The following TRAF4 variants were observed in gnomAD, a reference collection of about 807,000 sequenced individuals.
TRAF4 encodes TNF receptor associated factor 4.
TRAF4 carries 9 observed loss-of-function variants against 47.3 expected under a neutral mutation model. That is an observed-to-expected ratio of 0.19 (90% CI 0.11 to 0.33). The LOEUF (loss-of-function observed/expected upper bound fraction) is 0.33, where lower values mean the gene tolerates loss of function less well. TRAF4 is among the 10% of genes least tolerant of loss of function. The pLI is 1.00. For missense variants in TRAF4, 448 were observed against 620.3 expected (o/e 0.72, Z 2.95); for synonymous variants, 236 against 236.9 (o/e 1.00, Z 0.04).
chr17:28,744,054 C>A lies in TRAF4; in HGVS notation c.-59C>A, dbSNP rs1174142766. The A allele has an allele frequency of 6.0e-6, 7 of 1,168,544 alleles. No homozygotes were observed. Among genetic ancestry groups the A allele is most frequent in the East Asian group, 1.0e-4 (2 of 19,360 alleles). The allele number at this position is 1,168,544 out of a possible 1,614,324, so 72.4% of individuals were successfully genotyped here. On this transcript the variant is annotated 5_prime_UTR_variant, in exon 1 of 7. Transcript: ENST00000262395. ...CCGGGAGCGCCGCTCCAGCGAGGCG[C>A]GGGCTGTGGGGCCGCCGCGTGCCTG...
chr17:28,747,426 A>G (rs1449438621), intron 2 of TRAF4, 162 bp downstream of exon 2: 1 of 829,258 alleles, frequency 1.2e-6, no homozygotes, highest in Non-Finnish European at 1.8e-6. Context: ...CAGTTTGCAA[A>G]CGAGGCCCCT....
At chr17:28,748,811 C>G in intron 6 of TRAF4, 134 bp from the exon 7 acceptor site, 1 of 1,480,362 alleles carries the variant, frequency 6.8e-7, no homozygotes, top group Non-Finnish European at 8.9e-7. Context: ...GCTCCAGCCT[C>G]TTCCTAACAC....
chr17:28,749,758 C>A lies in TRAF4; in HGVS notation c.*181C>A. 1 of 1,031,290 alleles carries A rather than the reference C, an allele frequency of 9.7e-7. No individual in the cohort carries two copies. The highest frequency in any genetic ancestry group is 2.1e-4 in the Middle Eastern group (1 of 4,876). 63.9% of individuals were successfully genotyped at this position (1,031,290 alleles called of 1,614,324 possible). ...CCAATTGGTGCTTCAGCCCTGGCCC[C>A]TGTGGGGAACAGGTCTTGGGGTCAT... On this transcript the variant is annotated 3_prime_UTR_variant, in exon 7 of 7. Coordinates refer to ENST00000262395, the MANE Select transcript of TRAF4 (RefSeq NM_004295.4).
rs753243882 is a variant in TRAF4, at chr17:28,744,067, C to T, written c.-46C>T. The T allele has an allele frequency of 8.3e-6, 11 of 1,328,192 alleles. No individual in the cohort carries two copies. Among genetic ancestry groups the T allele is most frequent in the South Asian group, 4.3e-5 (3 of 69,408 alleles). The allele number at this position is 1,328,192 out of a possible 1,614,324, so 82.3% of individuals were successfully genotyped here. On this transcript the variant is annotated 5_prime_UTR_variant, in exon 1 of 7. Transcript: ENST00000262395. ...TCCAGCGAGGCGCGGGCTGTGGGGC[C>T]GCCGCGTGCCTGGCCCCGCTCGCCC...
At position 28,744,193 on chromosome 17, in the gene TRAF4, G is replaced by A. The variant is rs756133088; in HGVS notation, c.81G>A (p.Glu27=). 15 of 1,597,034 alleles carry A rather than the reference G, an allele frequency of 9.4e-6. No homozygotes were observed. The African/African-American group carries it at 2.0e-4, about 21-fold the overall frequency. ...CACTGTGCGGGAAGCCCATGCGCGAGCCTGTGCAGGTTTCCACCTGCGGCC... is the reference window on the plus strand; with the variant it reads ...CACTGTGCGGGAAGCCCATGCGCGAACCTGTGCAGGTTTCCACCTGCGGCC... The part of the protein sequence containing the change: ...LCPLCGKPMR[E]PVQVSTCGHR... The change falls in exon 1 of 7, where the codon GAG becomes GAA. Residue 27 remains glutamate (E), a synonymous_variant. Transcript: ENST00000262395.
chr17:28,749,129 A>T lies in TRAF4; in HGVS notation c.965A>T (p.Gln322Leu). The stretch of plus-strand genomic sequence containing the variant: ...ATTGGCAGCTATGGACGGCGGCTAC[A>T]GGAGGCCAAGGCCAAGCCCAACCTT... ...WKIGSYGRRL[Q>L]EAKAKPNLEC... The change falls in exon 7 of 7, where the codon CAG becomes CTG. Residue 322 changes from glutamine (Q) to leucine (L), a missense_variant. By Grantham distance (113) the Gln-to-Leu change is moderately radical (BLOSUM62 -2). Transcript: ENST00000262395. The T allele has an allele frequency of 6.2e-7, 1 of 1,614,086 alleles. No individual in the cohort carries two copies. Among genetic ancestry groups the T allele is most frequent in the Non-Finnish European group, 8.5e-7 (1 of 1,180,048 alleles).
Position 28,744,221 on chromosome 17 carries a change from C to T in TRAF4, c.109C>T (p.Arg37Cys). The T allele has an allele frequency of 6.6e-7, 1 of 1,512,224 alleles. No individual in the cohort carries two copies. The highest frequency in any genetic ancestry group is 8.9e-7 in the Non-Finnish European group (1 of 1,125,880). 93.7% of individuals were successfully genotyped at this position (1,512,224 alleles called of 1,614,324 possible). A position where few individuals can be genotyped will look rare whatever the true frequency, so the allele number is the denominator to read the frequency against. The change falls in exon 1 of 7, where the codon CGT becomes TGT. Residue 37 changes from arginine to cysteine, a missense_variant. By Grantham distance (180) the Arg-to-Cys change is radical. Transcript: ENST00000262395. ...TGTGCAGGTTTCCACCTGCGGCCAC[C>T]GTTTCTGCGATACCTGCCTGCAGGA... ...EPVQVSTCGH[R>C]FCDTCLQEFL...
In TRAF4 at chr17:28,748,936, TG is replaced by T; in HGVS notation, c.781-8del. ...TCCCTTCCCCCATGGCCTGGGGCTT[TG>T]CCAACAGTGCCCTAAGCTGGCAATG... On this transcript the variant is annotated splice_region_variant and splice_polypyrimidine_tract_variant and intron_variant, in intron 6 of 6. Coordinates refer to ENST00000262395, the MANE Select transcript of TRAF4 (RefSeq NM_004295.4). 3 of 1,603,926 alleles carry T rather than the reference TG, an allele frequency of 1.9e-6. No homozygotes were observed. Among genetic ancestry groups the T allele is most frequent in the Non-Finnish European group, 2.6e-6 (3 of 1,175,106 alleles).
chr17:28,747,977 C>T (rs558956488), intron 3 of TRAF4, 30 bp downstream of exon 3: 2 of 1,614,160 alleles, frequency 1.2e-6, no homozygotes, highest in East Asian at 4.5e-5. Context: ...GCTGGCACCA[C>T]CTCTCCCTTG....
At position 28,750,071 on chromosome 17, in the gene TRAF4, T is replaced by A; in HGVS notation, c.*494T>A. The A allele has an allele frequency of 1.7e-6, 1 of 579,270 alleles. No homozygotes were observed. Among genetic ancestry groups the A allele is most frequent in the South Asian group, 2.1e-5 (1 of 47,144 alleles). The allele number at this position is 579,270 out of a possible 1,614,324, so 35.9% of individuals were successfully genotyped here. On this transcript the variant is annotated 3_prime_UTR_variant, in exon 7 of 7. Coordinates refer to ENST00000262395, the MANE Select transcript of TRAF4 (RefSeq NM_004295.4). ...CTGATTTTTAATAAATCCGGAATTG[T>A]ATTTATTAATTTGCTTCCAGCCTGA...
At position 28,749,524 on chromosome 17, in the gene TRAF4, G is replaced by A; in HGVS notation, c.1360G>A (p.Asp454Asn). The A allele has an allele frequency of 6.2e-7, 1 of 1,613,868 alleles. No homozygotes were observed. Among genetic ancestry groups the A allele is most frequent in the Non-Finnish European group, 8.5e-7 (1 of 1,180,038 alleles). ...TCGAAAGCGAAACTATGTGCGGGAT[G>A]ATGCAGTCTTCATCCGTGCTGCTGT... ...DIRKRNYVRD[D>N]AVFIRAAVEL... Residue 454 changes from aspartate (D) to asparagine (N), a missense_variant, in exon 7 of 7, where the codon GAT becomes AAT. Asp to Asn is a conservative substitution (Grantham distance 23). Coordinates refer to ENST00000262395, the MANE Select transcript of TRAF4 (RefSeq NM_004295.4).
intron 2 of TRAF4, 115 bp downstream of exon 2, chr17:28,747,379 C>T (rs773890317): frequency 9.3e-6 from 12 of 1,292,196 alleles, no homozygotes; most frequent in East Asian, 7.3e-5. Context: ...TGGGATGGTG[C>T]GCCTCCACAA....
chr17:28,744,170 C>T lies in TRAF4; in HGVS notation c.58C>T (p.Leu20=), dbSNP rs751308115. 6.3e-7 allele frequency: 1 copy of T among 1,596,312 alleles called. No individual in the cohort carries two copies. Among genetic ancestry groups the T allele is most frequent in the Non-Finnish European group, 8.5e-7 (1 of 1,178,158 alleles). Reference sequence around the variant, plus strand: ...GCCCAAGCGACGGCTGCTGTGCCCACTGTGCGGGAAGCCCATGCGCGAGCC... The same window carrying T: ...GCCCAAGCGACGGCTGCTGTGCCCATTGTGCGGGAAGCCCATGCGCGAGCC... ...EKPKRRLLCP[L]CGKPMREPVQ... is the part of the protein sequence containing the mutation. Residue 20 remains leucine, a synonymous_variant, in exon 1 of 7, where the codon CTG becomes TTG. Coordinates refer to ENST00000262395, the MANE Select transcript of TRAF4 (RefSeq NM_004295.4).
intron 2 of TRAF4, 79 bp from the exon 3 acceptor site, chr17:28,747,764 G>A: frequency 7.0e-7 from 1 of 1,420,300 alleles, no homozygotes. Flanking sequence ...GGTAGAGCCA[G>A]CCCAGTTGGG....
At position 28,744,171 on chromosome 17, in the gene TRAF4, T is replaced by G; in HGVS notation, c.59T>G (p.Leu20Arg). The change falls in exon 1 of 7, where the codon CTG (leucine) becomes CGG (arginine). Residue 20 changes from leucine (L) to arginine (R), a missense_variant. Physicochemically the swap from Leu to Arg is moderately radical, Grantham distance 102. Transcript: ENST00000262395. ...CCCAAGCGACGGCTGCTGTGCCCAC[T>G]GTGCGGGAAGCCCATGCGCGAGCCT... ...EKPKRRLLCP[L>R]CGKPMREPVQ... 1 of 1,596,124 alleles carries G rather than the reference T, an allele frequency of 6.3e-7. No homozygotes were observed. The highest frequency in any genetic ancestry group is 8.5e-7 in the Non-Finnish European group (1 of 1,178,044).
chr17:28,745,432 G>A (rs780489574), intron 1 of TRAF4: 53 of 152,616 alleles, frequency 3.5e-4, no homozygotes, highest in Non-Finnish European at 5.4e-4. Flanking sequence ...CGGCCCTCTG[G>A]GTTCCAGATG....
intron 1 of TRAF4, among the ~76,000 whole-genome samples, chr17:28,746,457 G>GC (rs1377443207): frequency 6.6e-6 from 1 of 152,232 alleles, no homozygotes; most frequent in Non-Finnish European, 1.5e-5. Context: ...ACTGAGCAGT[G>GC]CCCAGAGTCT....
chr17:28,747,664 C>T, intron 2 of TRAF4, 179 bp from the exon 3 acceptor site: 1 of 629,080 alleles, frequency 1.6e-6, no homozygotes, highest in Non-Finnish European at 2.8e-6. Context: ...ATGTTAGGAC[C>T]CAGCATCAGA....
At chr17:28,746,316 G>A (rs958970349) in intron 1 of TRAF4, among the ~76,000 whole-genome samples, 1 of 152,228 alleles carries the variant, frequency 6.6e-6, no homozygotes, top group Non-Finnish European at 1.5e-5. Flanking sequence ...CCCTGGCTGG[G>A]GTCAGCAAGG....
Sources: allele counts gnomAD v4.1 joint callset (sites outside exome capture counted in the v4.1 genomes callset), GRCh38; gene constraint gnomAD v4.1.1; transcripts MANE v1.5; gene names NCBI Gene and HGNC (gene_info 2026-07-23, HGNC 2026-07-21).